The following ADAMTSL1 variants were observed in gnomAD, a reference collection of about 807,000 sequenced individuals.
ADAMTSL1 encodes ADAMTS like 1.
ADAMTSL1 carries 126 observed loss-of-function variants against 201.8 expected under a neutral mutation model. The ratio of observed to expected loss-of-function variants is 0.62; its 90% confidence interval spans 0.54 to 0.72. ADAMTSL1 has a LOEUF of 0.72. Ranked by LOEUF, ADAMTSL1 falls within the 30% of genes least tolerant of loss-of-function variation. ADAMTSL1 has a pLI of 0.00. For synonymous variants in ADAMTSL1, 1,121 were observed against 903.4 expected (o/e 1.24, Z -4.32); for missense variants, 2,679 against 2,277.8 (o/e 1.18, Z -3.59).
chr9:18,431,695 G>A (rs1819498330), intron 2 of ADAMTSL1, among the ~76,000 whole-genome samples: 1 of 151,990 alleles, frequency 6.6e-6, no homozygotes, highest in South Asian at 2.1e-4. Flanking sequence ...TTTCTCAGCT[G>A]CCCCAAAGTC....
chr9:18,373,999 A>G (rs1462003350), intron 2 of ADAMTSL1, among the ~76,000 whole-genome samples: 1 of 152,150 alleles, frequency 6.6e-6, no homozygotes, highest in Non-Finnish European at 1.5e-5. Context: ...GGAACTTTCC[A>G]TCTGGGGAGC....
At position 18,652,719 on chromosome 9, in the gene ADAMTSL1, C is replaced by T. The variant is rs189374199; in HGVS notation, c.835-4920C>T. Among the ~76,000 whole-genome samples the T allele has an allele frequency of 4.7e-3, 719 of 152,284 alleles. 6 individuals are homozygous for T. Among genetic ancestry groups the T allele is most frequent in the African/African-American group, 0.016 (682 of 41,546 alleles). On this transcript the variant is annotated intron_variant, in intron 7 of 28. Coordinates refer to ENST00000380548, the MANE Select transcript of ADAMTSL1 (RefSeq NM_001040272.6). ...TTTGGTAAGTGAGGTGTGTTAAATG[C>T]ATTTTCAACTTACAATATTTTCAAC...
chr9:18,693,144 G>A (rs985958508), intron 13 of ADAMTSL1, among the ~76,000 whole-genome samples: 12 of 152,192 alleles, frequency 7.9e-5, no homozygotes, highest in African/African-American at 2.7e-4. Flanking sequence ...AAATGCTCCA[G>A]CGCTTCACTG....
intron 2 of ADAMTSL1, among the ~76,000 whole-genome samples, chr9:18,514,695 G>A (rs984246382): frequency 1.3e-5 from 2 of 152,186 alleles, no homozygotes; most frequent in African/African-American, 4.8e-5. Flanking sequence ...CTTTCGTGAA[G>A]TATTTAGAGT....
At chr9:18,872,827 A>G (rs1827943308) in intron 23 of ADAMTSL1, among the ~76,000 whole-genome samples, 1 of 152,112 alleles carries the variant, frequency 6.6e-6, no homozygotes, top group South Asian at 2.1e-4. Flanking sequence ...TTTTATATAT[A>G]AAGACTTGTT....
chr9:18,569,391 A>G (rs971313811), intron 3 of ADAMTSL1, among the ~76,000 whole-genome samples: 2 of 152,214 alleles, frequency 1.3e-5, no homozygotes, highest in South Asian at 2.1e-4. Flanking sequence ...ATGGCTAAAT[A>G]CAGTAATTCG....
At chr9:18,328,687 A>G (rs947398648) in intron 2 of ADAMTSL1, among the ~76,000 whole-genome samples, 2 of 152,218 alleles carry the variant, frequency 1.3e-5, no homozygotes, top group African/African-American at 4.8e-5. Context: ...TGCCTAAAAT[A>G]ATGAGTGACA....
intron 3 of ADAMTSL1, among the ~76,000 whole-genome samples, chr9:18,568,938 C>G (rs1822115168): frequency 6.6e-6 from 1 of 152,008 alleles, no homozygotes; most frequent in Non-Finnish European, 1.5e-5. Context: ...GTATGTCTCT[C>G]TAAAGGAAAA....
chr9:18,875,602 G>A (rs1003618673), intron 23 of ADAMTSL1, among the ~76,000 whole-genome samples: 2 of 152,124 alleles, frequency 1.3e-5, no homozygotes, highest in African/African-American at 4.8e-5. Context: ...TTCCACTGTG[G>A]TCTGAGAGAG....
rs573263481 is a variant in ADAMTSL1 at position 18,601,388 on chromosome 9, C to T, written c.475-20855C>T. The stretch of plus-strand genomic sequence containing the variant: ...CAAGTGCCAGGGCAACTTTGAGGTC[C>T]TCAGCTACAGGTGTGCACAGATCTG... On this transcript the variant is annotated intron_variant, in intron 4 of 28. Coordinates refer to ENST00000380548, the MANE Select transcript of ADAMTSL1 (RefSeq NM_001040272.6). Among the ~76,000 whole-genome samples, 13 of 152,306 alleles carry T rather than the reference C, an allele frequency of 8.5e-5. No individual in the cohort carries two copies. The South Asian group carries it at 2.5e-3, about 29-fold the overall frequency.
At chr9:18,189,520 G>A (rs1291919781) in intron 2 of ADAMTSL1, among the ~76,000 whole-genome samples, 1 of 151,970 alleles carries the variant, frequency 6.6e-6, no homozygotes. Flanking sequence ...ATATTCCAGA[G>A]GGCAAGATTT....
intron 5 of ADAMTSL1, among the ~76,000 whole-genome samples, chr9:18,624,651 A>G (rs1328110618): frequency 6.6e-6 from 1 of 152,106 alleles, no homozygotes; most frequent in African/African-American, 2.4e-5. Flanking sequence ...GATCTAGACT[A>G]CTGTGCTCAG....
chr9:18,430,981 A>G (rs1278818208), intron 2 of ADAMTSL1, among the ~76,000 whole-genome samples: 1 of 152,172 alleles, frequency 6.6e-6, no homozygotes, highest in East Asian at 1.9e-4. Flanking sequence ...CCCTACAGAG[A>G]TGGTAGGGAA....
chr9:18,652,288 C>A (rs1828332826), intron 7 of ADAMTSL1, among the ~76,000 whole-genome samples: 1 of 147,290 alleles, frequency 6.8e-6, no homozygotes. Flanking sequence ...AGGAAAATCG[C>A]TTGAATCCAG....
intron 23 of ADAMTSL1, among the ~76,000 whole-genome samples, chr9:18,837,309 T>C (rs1825372609): frequency 1.3e-5 from 2 of 152,262 alleles, no homozygotes; most frequent in Admixed American, 1.3e-4. Context: ...TTTGTTTTTA[T>C]ACATATGGAC....
At chr9:18,156,700 A>G (rs768777403) in intron 1 of ADAMTSL1, among the ~76,000 whole-genome samples, 6 of 151,902 alleles carry the variant, frequency 3.9e-5, no homozygotes, top group Non-Finnish European at 8.8e-5. Flanking sequence ...TTGTCATTAG[A>G]AGATGTGATA....
In ADAMTSL1 at chr9:18,113,101, C is replaced by T. The variant is rs115524598; in HGVS notation, c.88-50761C>T. Among the ~76,000 whole-genome samples the T allele has an allele frequency of 3.0e-3, 458 of 152,028 alleles. 4 individuals are homozygous for T. Among genetic ancestry groups the T allele is most frequent in the African/African-American group, 0.011 (441 of 41,478 alleles). On this transcript the variant is annotated intron_variant, in intron 1 of 29. Transcript: ENST00000680146. ...GTATGTATGAAAGCTGAGTTCTGAG[C>T]GAATACGGGGTACTCAGGGAAGTAA...
chr9:18,888,129 T>G (rs1829019651), intron 24 of ADAMTSL1, 86 bp downstream of exon 24: 1 of 1,387,924 alleles, frequency 7.2e-7, no homozygotes, highest in East Asian at 2.4e-5. Context: ...CAAAGAGATT[T>G]CTGATCTCCA....
intron 23 of ADAMTSL1, among the ~76,000 whole-genome samples, chr9:18,845,225 T>G (rs1289120167): frequency 2.0e-5 from 3 of 152,238 alleles, no homozygotes; most frequent in Non-Finnish European, 4.4e-5. Context: ...CAAGCTCCCA[T>G]GCCTCCTTCA....
Sources: allele counts gnomAD v4.1 joint callset (sites outside exome capture counted in the v4.1 genomes callset), GRCh38; gene constraint gnomAD v4.1.1; transcripts MANE v1.5; gene names NCBI Gene and HGNC (gene_info 2026-07-23, HGNC 2026-07-21).